Variants in KPTN observed in about 807,000 individuals in gnomAD.
KPTN encodes KICSTOR complex protein kaptin.
KPTN carries 36 observed loss-of-function variants against 52.6 expected under a neutral mutation model. The observed-to-expected ratio is 0.68, with a 90% CI of 0.52 to 0.90. The LOEUF is 0.90. KPTN is among the 40% of genes least tolerant of loss of function. KPTN has a pLI of 0.00. For missense variants in KPTN, 529 were observed against 576.2 expected, an observed-to-expected ratio of 0.92 and a Z score of 0.84; for synonymous variants, 271 against 248.4, an observed-to-expected ratio of 1.09 and a Z score of -0.85.
upstream of KPTN, among the ~76,000 whole-genome samples, chr19:47,485,775 G>A (rs1414239205): frequency 6.6e-6 from 1 of 152,244 alleles, no homozygotes; most frequent in African/African-American, 2.4e-5. Context: ...GATGTGGAGA[G>A]TAGAAGTTCC....
At position 47,475,411 on chromosome 19, in the gene KPTN, G is replaced by C; in HGVS notation, c.*5C>G. On this transcript the variant is annotated 3_prime_UTR_variant, in exon 12 of 12. Coordinates refer to ENST00000338134, the MANE Select transcript of KPTN (RefSeq NM_007059.4). Reference sequence around the variant, plus strand: ...CAGGTCTGGGAAGAGTGGGTGCATGGGTGCTTAAGAGGCTGCATTCTCAGC... The same window carrying C: ...CAGGTCTGGGAAGAGTGGGTGCATGCGTGCTTAAGAGGCTGCATTCTCAGC... The C allele has an allele frequency of 6.2e-7, 1 of 1,611,618 alleles. No homozygotes were observed. Among genetic ancestry groups the C allele is most frequent in the Non-Finnish European group, 8.5e-7 (1 of 1,178,390 alleles).
chr19:47,483,981 C>G lies in KPTN; in HGVS notation c.180G>C (p.Gln60His). 1.2e-6 allele frequency: 2 copies of G among 1,613,828 alleles called. No individual in the cohort carries two copies. Among genetic ancestry groups the G allele is most frequent in the South Asian group, 2.2e-5 (2 of 91,074 alleles). Residue 60 changes from glutamine to histidine, a missense_variant, in exon 1 of 12, where the codon CAG becomes CAC. Transcript: ENST00000338134. The part of the protein sequence containing the change: ...VLGFRYQDLR[Q>H]KIRPVAKELQ... ...GCTCCTTGGCCACTGGCCGGATTTT[C>G]TGTCGGAGGTCTTGGTAGCGGAAGC...
chr19:47,476,822 A>C lies in KPTN; in HGVS notation c.980T>G (p.Leu327Arg), dbSNP rs1196133852. 1.3e-6 allele frequency: 2 copies of C among 1,586,196 alleles called. No homozygotes were observed. The highest frequency in any genetic ancestry group is 1.7e-6 in the Non-Finnish European group (2 of 1,166,058). The part of the protein sequence containing the change: ...DVDLDGRPEV[L>R]VATYGQELLC... ...TCCCACCTGTCCATAGGTGGCCACC[A>C]GGACTTCTGGCCGCCCATCCAAATC... The change falls in exon 10 of 12, where the codon CTG (leucine) becomes CGG (arginine). Residue 327 changes from leucine (L) to arginine (R), a missense_variant. Transcript: ENST00000338134.
At position 47,477,780 on chromosome 19, in the gene KPTN, C is replaced by A; in HGVS notation, c.789G>T (p.Glu263Asp). 6.2e-7 allele frequency: 1 copy of A among 1,612,596 alleles called. No homozygotes were observed. Among genetic ancestry groups the A allele is most frequent in the South Asian group, 1.1e-5 (1 of 91,034 alleles). Residue 263 changes from glutamate to aspartate, a missense_variant and splice_region_variant, in exon 9 of 12, where the codon GAG (glutamate) becomes GAT (aspartate). Glu to Asp is a conservative substitution (Grantham distance 45). Coordinates refer to ENST00000338134, the MANE Select transcript of KPTN (RefSeq NM_007059.4). The stretch of plus-strand genomic sequence containing the variant: ...CATCTTGTAGTGGCCTGTCCTTGGT[C>A]TCTGGAGAAGAAACATGAATGGTAA... Reference protein sequence around the residue: ...VIVFSLSAAKETKDRPLQDEY... With the variant: ...VIVFSLSAAKDTKDRPLQDEY...
chr19:47,481,823 G>A (rs570799500), intron 4 of KPTN, among the ~76,000 whole-genome samples: 10 of 152,240 alleles, frequency 6.6e-5, no homozygotes, highest in African/African-American at 1.9e-4. Flanking sequence ...TCTGTGTTCT[G>A]GAATGGAATC....
intron 7 of KPTN, 65 bp downstream of exon 7, chr19:47,480,233 C>T: frequency 2.0e-6 from 2 of 993,514 alleles, no homozygotes; most frequent in Middle Eastern, 3.1e-4. Flanking sequence ...AGCCCTCAGC[C>T]CCACCCTGGC....
chr19:47,481,029 G>A lies in KPTN; in HGVS notation c.454C>T (p.Gln152Ter). The A allele has an allele frequency of 6.3e-7, 1 of 1,579,400 alleles. No homozygotes were observed. The highest frequency in any genetic ancestry group is 1.1e-5 in the South Asian group (1 of 87,196). The change falls in exon 5 of 12, where the codon CAG (glutamine) becomes TAG (stop). Residue 152 changes from glutamine (Q) to a stop codon, truncating the protein, a stop_gained. Coordinates refer to ENST00000338134, the MANE Select transcript of KPTN (RefSeq NM_007059.4). LOFTEE classifies it high-confidence loss of function. ...ACAGTCTCAAGTTGATCCCCGACCT[G>A]GACCCTGAAAGCAGAGAAATCTAGA... ...TPFQLCHAEVQVGDQLETVFL... is the reference protein window; with the variant it reads ...TPFQLCHAEV
chr19:47,478,036 G>A (rs1433202102), intron 8 of KPTN, among the ~76,000 whole-genome samples: 3 of 151,526 alleles, frequency 2.0e-5, no homozygotes, highest in African/African-American at 7.3e-5. Context: ...CTCCAGCCTG[G>A]GTGACAGAGC....
intron 11 of KPTN, chr19:47,476,180 C>T (rs913155906): frequency 3.8e-5 from 6 of 158,994 alleles, no homozygotes; most frequent in South Asian, 2.2e-4. Flanking sequence ...TGGTGGCGTG[C>T]GGCTGTATTT....
At position 47,480,425 on chromosome 19, in the gene KPTN, G is replaced by A. The variant is rs1729834391; in HGVS notation, c.600-18C>T. 3 of 1,513,198 alleles carry A rather than the reference G, an allele frequency of 2.0e-6. No homozygotes were observed. The highest frequency in any genetic ancestry group is 2.0e-5 in the Admixed American group (1 of 49,974). 93.7% of individuals were successfully genotyped at this position (1,513,198 alleles called of 1,614,324 possible). ...AGAGGACGCTGGCGGGCGGGTGGAT[G>A]GACAGGACGGACGGCCATTGCTGGG... On this transcript the variant is annotated intron_variant, in intron 6 of 11. Coordinates refer to ENST00000338134, the MANE Select transcript of KPTN (RefSeq NM_007059.4).
chr19:47,477,020 G>T, intron 9 of KPTN, 82 bp from the exon 10 acceptor site: 1 of 1,413,504 alleles, frequency 7.1e-7, no homozygotes, highest in Non-Finnish European at 9.6e-7. Flanking sequence ...CTGGGTACCG[G>T]TACTGCTTCC....
At chr19:47,481,905 T>C (rs1158733178) in intron 4 of KPTN, among the ~76,000 whole-genome samples, 3 of 152,196 alleles carry the variant, frequency 2.0e-5, no homozygotes, top group South Asian at 2.1e-4. Context: ...CTATGTTCTA[T>C]CTCCTCGAAA....
Position 47,475,334 on chromosome 19 carries a change from C to T in KPTN, c.*82G>A. ...GGAGGTCTGGGGAGAGCATCCTGTC[C>T]TTCAGGACACCCCCCACCAGCGGCT... On this transcript the variant is annotated 3_prime_UTR_variant, in exon 12 of 12. Transcript: ENST00000338134. 6.6e-7 allele frequency: 1 copy of T among 1,524,842 alleles called. No homozygotes were observed. Among genetic ancestry groups the T allele is most frequent in the Admixed American group, 1.8e-5 (1 of 55,414 alleles). The allele number at this position is 1,524,842 out of a possible 1,614,324, so 94.5% of individuals were successfully genotyped here. A position where few individuals can be genotyped will look rare whatever the true frequency, so the allele number is the denominator to read the frequency against.
chr19:47,484,226 C>T (rs915233676), upstream of KPTN: 4 of 1,508,372 alleles, frequency 2.7e-6, no homozygotes, highest in South Asian at 1.2e-5. Flanking sequence ...CTACGACTCT[C>T]TAAGCGACCT....
chr19:47,485,498 A>G (rs949486339), upstream of KPTN, among the ~76,000 whole-genome samples: 1 of 152,114 alleles, frequency 6.6e-6, no homozygotes, highest in Admixed American at 6.5e-5. Context: ...TCCAGAAGAC[A>G]TGGGTTGGCC....
rs1967724626 is a variant in KPTN at position 47,477,798 on chromosome 19, A to C, written c.788-17T>G. The C allele has an allele frequency of 6.2e-7, 1 of 1,602,106 alleles. No homozygotes were observed. Among genetic ancestry groups the C allele is most frequent in the South Asian group, 1.1e-5 (1 of 90,828 alleles). ...CCTTGGTCTCTGGAGAAGAAACATG[A>C]ATGGTAATCCCAGCACTTTGGGAGG... On this transcript the variant is annotated splice_polypyrimidine_tract_variant and intron_variant, in intron 8 of 11. Transcript: ENST00000338134.
chr19:47,476,478 C>A (rs1476698802), intron 11 of KPTN, 54 bp downstream of exon 11: 1 of 1,493,144 alleles, frequency 6.7e-7, no homozygotes, highest in South Asian at 1.2e-5. Context: ...GCCTGCACCC[C>A]CTGCTCGAAA....
At chr19:47,484,409 G>C (rs1442670273), upstream of KPTN, 1 of 565,398 alleles carries the variant, frequency 1.8e-6, no homozygotes, top group Non-Finnish European at 3.1e-6. Flanking sequence ...CTGCCATAAG[G>C]AGTCTGTGAC....
chr19:47,484,068 C>T lies in KPTN; in HGVS notation c.93G>A (p.Leu31=). 1 of 1,610,502 alleles carries T rather than the reference C, an allele frequency of 6.2e-7. No homozygotes were observed. Residue 31 remains leucine (L), a synonymous_variant, in exon 1 of 12, where the codon CTG becomes CTA. Coordinates refer to ENST00000338134, the MANE Select transcript of KPTN (RefSeq NM_007059.4). ...RFSSQSNVYG[L]AGGAGGRGEL... is the part of the protein sequence containing the mutation. ...CCCCGCGCCCGCCGGCGCCGCCTGC[C>T]AGCCCGTACACATTGCTCTGCGACG...
Sources: gnomAD v4.1 joint callset for allele counts (sites outside exome capture counted in the v4.1 genomes callset) on GRCh38, gnomAD v4.1.1 for gene constraint, MANE v1.5 for transcripts, NCBI Gene and HGNC (gene_info 2026-07-23, HGNC 2026-07-21) for gene names.